The following FAT3 variants were observed in gnomAD, a reference collection of about 807,000 sequenced individuals.
The protein encoded by FAT3 is protocadherin Fat 3.
FAT3 carries 95 observed loss-of-function variants against 310.2 expected under a neutral mutation model. The ratio of observed to expected loss-of-function variants is 0.31; its 90% CI spans 0.26 to 0.36. FAT3 has a LOEUF of 0.36. Among genes scored for constraint, FAT3 ranks in the 10% least tolerant of loss-of-function variants. The pLI, the probability that FAT3 is intolerant of heterozygous loss-of-function variation, is 1.00. For missense variants in FAT3, 5,408 were observed against 5,715.6 expected (o/e 0.95, Z 1.74); for synonymous variants, 2,314 against 2,192.9 (o/e 1.06, Z -1.54).
chr11:92,566,636 T>A (rs1389658104), intron 3 of FAT3, among the ~76,000 whole-genome samples: 1 of 151,038 alleles, frequency 6.6e-6, no homozygotes, highest in Non-Finnish European at 1.5e-5. Flanking sequence ...GACTTCAAAC[T>A]ATACTACAAG....
At chr11:92,827,654 T>A (rs534509072) in intron 13 of FAT3, among the ~76,000 whole-genome samples, 2 of 152,276 alleles carry the variant, frequency 1.3e-5, no homozygotes, top group African/African-American at 4.8e-5. Flanking sequence ...GAGAGGAACA[T>A]GGACTCCATT....
intron 25 of FAT3, among the ~76,000 whole-genome samples, chr11:92,888,282 T>C (rs1009172549): frequency 6.6e-6 from 1 of 152,202 alleles, no homozygotes; most frequent in Non-Finnish European, 1.5e-5. Context: ...CAGATCTGTC[T>C]GCCTTGATGT....
Position 92,767,932 on chromosome 11 carries a change from A to G in FAT3, c.4195+2843A>G, listed in dbSNP as rs191931632. Among the ~76,000 whole-genome samples, 38 of 152,182 alleles carry G rather than the reference A, an allele frequency of 2.5e-4. No individual in the cohort carries two copies. The East Asian group carries it at 6.6e-3, about 26-fold the overall frequency. Reference sequence around the variant, plus strand: ...CTACTCAGAGTCAGTGTGACCTTCCACTGTGCTACTGGCCACGGCAACCTA... The same window carrying G: ...CTACTCAGAGTCAGTGTGACCTTCCGCTGTGCTACTGGCCACGGCAACCTA... On this transcript the variant is annotated intron_variant, in intron 6 of 27. Coordinates refer to ENST00000525166, the MANE Select transcript of FAT3 (RefSeq NM_001367949.2).
intron 2 of FAT3, among the ~76,000 whole-genome samples, chr11:92,399,480 C>T (rs202014093): frequency 6.6e-6 from 1 of 152,096 alleles, no homozygotes; most frequent in Non-Finnish European, 1.5e-5. Flanking sequence ...AATTTTCTTT[C>T]TGTGCACACT....
At chr11:92,248,276 A>G (rs1865005520) in intron 1 of FAT3, among the ~76,000 whole-genome samples, 1 of 152,086 alleles carries the variant, frequency 6.6e-6, no homozygotes, top group Admixed American at 6.6e-5. Flanking sequence ...CAGTTGCAAA[A>G]ATCAGATAAA....
In FAT3 at chr11:92,883,465, T is replaced by C. The variant is rs1423693473; in HGVS notation, c.12937+72T>C. ...CTGCAGGGGCGCTGTGCGAGGACGC[T>C]ACGGGAAGGGAGAGAGACCCCGCAT... On this transcript the variant is annotated intron_variant, in intron 24 of 27. Coordinates refer to ENST00000525166, the MANE Select transcript of FAT3 (RefSeq NM_001367949.2). This position sits in a 1 kb window ranked among gnomAD's most constrained non-coding sequence, Gnocchi z 4.2. 3 of 1,518,588 alleles carry C rather than the reference T, an allele frequency of 2.0e-6. No homozygotes were observed. Among genetic ancestry groups the C allele is most frequent in the Admixed American group, 2.1e-5 (1 of 48,316 alleles). 94.1% of individuals were successfully genotyped at this position (1,518,588 alleles called of 1,614,324 possible). A position where few individuals can be genotyped will look rare whatever the true frequency, so the allele number is the denominator to read the frequency against.
rs745917510 is a variant in FAT3 at position 92,890,780 on chromosome 11, C to T, written c.13437C>T (p.Ser4479=). ...SQPVSLASTL[S]PDCRRRPQFH... ...CTGTCTCCCTGGCCAGCACACTGAG[C>T]CCAGACTGCAGGAGAAGGCCCCAGT... Residue 4479 remains serine, a synonymous_variant, in exon 28 of 28, where the codon AGC becomes AGT. Transcript: ENST00000525166. The T allele has an allele frequency of 2.6e-5, 42 of 1,613,750 alleles. No individual in the cohort carries two copies. The highest frequency in any genetic ancestry group is 1.3e-5 in the African/African-American group (1 of 74,900).
At chr11:92,779,086 G>A (rs1184378905) in intron 7 of FAT3, among the ~76,000 whole-genome samples, 10 of 152,074 alleles carry the variant, frequency 6.6e-5, no homozygotes, top group African/African-American at 2.4e-4. Context: ...AATCGGTACT[G>A]TATCTGCTTG....
chr11:92,816,072 C>G (rs1947818277), intron 13 of FAT3, among the ~76,000 whole-genome samples: 1 of 152,170 alleles, frequency 6.6e-6, no homozygotes, highest in African/African-American at 2.4e-5. Context: ...TGGGACAACT[C>G]AGGAAGGATT....
chr11:92,413,552 G>C (rs1180916038), intron 2 of FAT3, among the ~76,000 whole-genome samples: 24 of 152,098 alleles, frequency 1.6e-4, no homozygotes, highest in Admixed American at 1.6e-3. Flanking sequence ...GTGGGAAGGG[G>C]ATAAAGGAAA....
intron 2 of FAT3, among the ~76,000 whole-genome samples, chr11:92,433,119 C>T (rs940286899): frequency 2.6e-5 from 4 of 152,182 alleles, no homozygotes; most frequent in African/African-American, 7.2e-5. Flanking sequence ...GGACTTCAAA[C>T]TGCTGTGCTG....
At chr11:92,775,182 T>G (rs765962439) in intron 7 of FAT3, among the ~76,000 whole-genome samples, 2 of 152,166 alleles carry the variant, frequency 1.3e-5, no homozygotes, top group African/African-American at 2.4e-5. Context: ...ACACAGTGCT[T>G]CAGGTGGTGA....
At chr11:92,890,375 T>C (rs1949889740) in intron 27 of FAT3, 116 bp from the exon 28 acceptor site, 1 of 1,270,466 alleles carries the variant, frequency 7.9e-7, no homozygotes. Context: ...GTAATAAGCT[T>C]CTTAGGGTTT....
At chr11:92,578,878 A>T (rs150419928) in intron 3 of FAT3, among the ~76,000 whole-genome samples, 205 of 150,314 alleles carry the variant, frequency 1.4e-3, no homozygotes, top group African/African-American at 4.8e-3. Context: ...AATATATCAT[A>T]AAAAAAATGC....
At chr11:92,363,645 AT>A (rs569333068) in intron 2 of FAT3, among the ~76,000 whole-genome samples, 265 of 152,206 alleles carry the variant, frequency 1.7e-3, no homozygotes, top group Non-Finnish European at 2.8e-3. Context: ...TTGAGATGAT[AT>A]TTTTACTCTC....
rs267603240 is a variant in FAT3, at chr11:92,353,812, G to A, written c.1700G>A (p.Arg567Gln). The A allele has an allele frequency of 2.1e-5, 34 of 1,613,622 alleles. No homozygotes were observed. The highest frequency in any genetic ancestry group is 1.7e-4 in the Middle Eastern group (1 of 6,060). The stretch of plus-strand genomic sequence containing the variant: ...GAAAGTGAGGTCAATGTGACTATTC[G>A]AATAGGAAATGTCAACGACAACAGC... ...RHESEVNVTI[R>Q]IGNVNDNSPL... is the part of the protein sequence containing the mutation. Residue 567 changes from arginine to glutamine, a missense_variant, in exon 2 of 28, where the codon CGA becomes CAA. By Grantham distance (43) the Arg-to-Gln change is conservative (BLOSUM62 1). Coordinates refer to ENST00000525166, the MANE Select transcript of FAT3 (RefSeq NM_001367949.2).
rs559490070 is a variant in FAT3, at chr11:92,519,985, G to C, written c.3293-4649G>C. 2.0e-5 allele frequency among the ~76,000 whole-genome samples: 3 copies of C among 152,126 alleles called. No individual in the cohort carries two copies. In the East Asian group the frequency reaches 5.8e-4, roughly 29 times the overall value. On this transcript the variant is annotated intron_variant, in intron 2 of 27. Coordinates refer to ENST00000525166, the MANE Select transcript of FAT3 (RefSeq NM_001367949.2). ...ATGATATAGTCATTCTTACCCCTAA[G>C]TTATTATTCAAGAGTAATGGAAGTA...
chr11:92,407,299 A>G (rs1287343122), intron 2 of FAT3, among the ~76,000 whole-genome samples: 2 of 152,134 alleles, frequency 1.3e-5, no homozygotes, highest in African/African-American at 2.4e-5. Context: ...CCGGTATGCT[A>G]AAGACTGGAG....
chr11:92,359,226 T>G (rs1462324802), intron 2 of FAT3, among the ~76,000 whole-genome samples: 1 of 152,206 alleles, frequency 6.6e-6, no homozygotes, highest in Non-Finnish European at 1.5e-5. Context: ...ATATATCTTT[T>G]CTGTAAAATA....
Sources: allele counts gnomAD v4.1 joint callset (sites outside exome capture counted in the v4.1 genomes callset), GRCh38; gene constraint gnomAD v4.1.1; non-coding constraint Gnocchi (gnomAD v3.1); transcripts MANE v1.5; gene names NCBI Gene and HGNC (gene_info 2026-07-23, HGNC 2026-07-21).